Variants in UBAP2 observed in about 807,000 individuals in gnomAD.
UBAP2 encodes ubiquitin associated protein 2.
In UBAP2, 75 loss-of-function variants were observed where a neutral mutation model predicts 139.6. The ratio of observed to expected loss-of-function variants is 0.54; its 90% CI spans 0.45 to 0.65. The LOEUF (loss-of-function observed/expected upper bound fraction) is 0.65, where lower values mean the gene tolerates loss of function less well. UBAP2 is among the 30% of genes least tolerant of loss of function. The pLI, the probability that UBAP2 is intolerant of heterozygous loss-of-function variation, is 0.00. For missense variants in UBAP2, 1,368 were observed against 1,369.6 expected (o/e 1.00, Z 0.02); for synonymous variants, 526 against 526.2 (o/e 1.00, Z 0.01).
chr9:34,030,147 T>C (rs1490817283), intron 1 of UBAP2, among the ~76,000 whole-genome samples: 1 of 148,526 alleles, frequency 6.7e-6, no homozygotes, highest in Non-Finnish European at 1.5e-5. Context: ...TAAAAAAGTT[T>C]AAAAATCAGC....
At chr9:33,933,931 G>A (rs942330181) in intron 17 of UBAP2, 2 of 259,108 alleles carry the variant, frequency 7.7e-6, no homozygotes, top group South Asian at 7.2e-5. Context: ...AGGAACCTAA[G>A]CTGTAGATGC....
chr9:33,962,635 C>G lies in UBAP2; in HGVS notation c.745+1091G>C, dbSNP rs555491171. ...CTCCAGCCTGGGCAACAGAGCAAGA[C>G]TCTATCTCAAAAATAAATAAATAAA... On this transcript the variant is annotated intron_variant, in intron 9 of 28. Coordinates refer to ENST00000379238, the MANE Select transcript of UBAP2 (RefSeq NM_001370062.2). Among the ~76,000 whole-genome samples, 3 of 136,546 alleles carry G rather than the reference C, an allele frequency of 2.2e-5. No homozygotes were observed. In the East Asian group the frequency reaches 6.4e-4, roughly 29 times the overall value. The allele number at this position is 136,546 out of a possible 152,430, so 89.6% of individuals were successfully genotyped here.
intron 1 of UBAP2, among the ~76,000 whole-genome samples, chr9:34,042,923 C>G (rs1827224566): frequency 1.3e-5 from 2 of 151,982 alleles, no homozygotes; most frequent in Admixed American, 1.3e-4. Context: ...GAAAAATTAG[C>G]TGAGCATGGT....
chr9:33,995,075 G>C (rs553817579), intron 4 of UBAP2: 3 of 152,172 alleles, frequency 2.0e-5, no homozygotes, highest in Non-Finnish European at 4.4e-5. Flanking sequence ...CATAAACACA[G>C]GTCAGGTGTG....
intron 6 of UBAP2, among the ~76,000 whole-genome samples, chr9:33,977,867 G>A (rs1820291651): frequency 6.6e-6 from 1 of 151,396 alleles, no homozygotes; most frequent in African/African-American, 2.4e-5. Flanking sequence ...GTTTCACTGT[G>A]TTAGCCAGGA....
intron 1 of UBAP2, among the ~76,000 whole-genome samples, chr9:34,044,507 G>C (rs1827396005): frequency 2.0e-5 from 3 of 151,910 alleles, no homozygotes; most frequent in Admixed American, 2.0e-4. Flanking sequence ...AGAGGTTACA[G>C]TGAGCCAAGG....
chr9:34,008,318 CAAAAAA>C (rs35956096), intron 2 of UBAP2, among the ~76,000 whole-genome samples: 2 of 113,006 alleles, frequency 1.8e-5, no homozygotes, highest in African/African-American at 3.1e-5. Flanking sequence ...AACTCCGTCT[CAAAAAA>C]AAAAAAAAAA....
chr9:33,956,518 A>G (rs1327624628), intron 10 of UBAP2, among the ~76,000 whole-genome samples: 1 of 152,004 alleles, frequency 6.6e-6, no homozygotes, highest in Non-Finnish European at 1.5e-5. Context: ...TAGTAGAAAC[A>G]GGGTTTTGCC....
chr9:33,927,493 G>C (rs559897433), intron 20 of UBAP2, among the ~76,000 whole-genome samples: 1 of 152,198 alleles, frequency 6.6e-6, no homozygotes, highest in Non-Finnish European at 1.5e-5. Context: ...AGACAGCCTA[G>C]GTCTGCAGTC....
At chr9:34,032,261 T>C (rs1279186022) in intron 1 of UBAP2, among the ~76,000 whole-genome samples, 1 of 152,130 alleles carries the variant, frequency 6.6e-6, no homozygotes, top group Non-Finnish European at 1.5e-5. Flanking sequence ...CCATCTATCC[T>C]CTCTTGAAAG....
chr9:33,990,054 ACC>A (rs895737514), intron 4 of UBAP2, among the ~76,000 whole-genome samples: 19 of 14,006 alleles, frequency 1.4e-3, no homozygotes, highest in African/African-American at 3.0e-3. Context: ...AATCTAATCT[ACC>A]ATATATATAT....
At position 33,948,454 on chromosome 9, in the gene UBAP2, T is replaced by C; in HGVS notation, c.1190A>G (p.Asn397Ser). Reference protein sequence around the residue: ...QFTTTPSTQQNSTSHPTTTTS... With the variant: ...QFTTTPSTQQSSTSHPTTTTS... Reference sequence around the variant, plus strand: ...AGTAGTTGTAGGGTGACTTGTACTATTCTGCTGTGTACTTGGGGTGGTGGT... The same window carrying C: ...AGTAGTTGTAGGGTGACTTGTACTACTCTGCTGTGTACTTGGGGTGGTGGT... The change falls in exon 13 of 29, where the codon AAT becomes AGT. Residue 397 changes from asparagine (N) to serine (S), a missense_variant. Asn to Ser is a conservative substitution (Grantham distance 46). Transcript: ENST00000379238. The C allele has an allele frequency of 6.2e-7, 1 of 1,614,206 alleles. No homozygotes were observed. Among genetic ancestry groups the C allele is most frequent in the Non-Finnish European group, 8.5e-7 (1 of 1,180,038 alleles).
chr9:33,938,990 G>A (rs1208419889), intron 16 of UBAP2: 1 of 424,144 alleles, frequency 2.4e-6, no homozygotes, highest in African/African-American at 2.1e-5. Flanking sequence ...ATCCATCCAA[G>A]ACGGACAAGG....
At chr9:33,927,576 A>G (rs1332681610) in intron 20 of UBAP2, among the ~76,000 whole-genome samples, 2 of 152,176 alleles carry the variant, frequency 1.3e-5, no homozygotes, top group Non-Finnish European at 2.9e-5. Flanking sequence ...AAGAACAAAG[A>G]GGAAAGACTG....
Position 33,943,399 on chromosome 9 carries a change from A to C in UBAP2, c.1715+21T>G, listed in dbSNP as rs369976592. The stretch of plus-strand genomic sequence containing the variant: ...CTCTTAGGGTCTATTTTGCTTCATA[A>C]CAAAGGACTAAATTCAGTACCTTAA... On this transcript the variant is annotated intron_variant, in intron 15 of 28. Transcript: ENST00000379238. The C allele has an allele frequency of 5.3e-5, 85 of 1,612,378 alleles. No homozygotes were observed. In the African/African-American group the frequency reaches 1.1e-3, roughly 20 times the overall value.
chr9:33,969,094 T>C (rs1174267138), intron 8 of UBAP2, among the ~76,000 whole-genome samples: 1 of 152,268 alleles, frequency 6.6e-6, no homozygotes, highest in East Asian at 1.9e-4. Context: ...TTTGAGGTTT[T>C]TTCCCCCCAG....
At chr9:33,948,232 G>T in intron 13 of UBAP2, 142 bp downstream of exon 13, 2 of 647,662 alleles carry the variant, frequency 3.1e-6, no homozygotes, top group Non-Finnish European at 4.9e-6. Flanking sequence ...AAGGAAGACT[G>T]ATTTAACTGA....
At position 33,941,665 on chromosome 9, in the gene UBAP2, G is replaced by T. The variant is rs759335074; in HGVS notation, c.1913C>A (p.Ala638Asp). 1 of 1,613,986 alleles carries T rather than the reference G, an allele frequency of 6.2e-7. No homozygotes were observed. Among genetic ancestry groups the T allele is most frequent in the African/African-American group, 1.3e-5 (1 of 74,926 alleles). Residue 638 changes from alanine (A) to aspartate (D), a missense_variant, in exon 16 of 29, where the codon GCT becomes GAT. Ala to Asp is a moderately radical substitution (Grantham distance 126). Transcript: ENST00000379238. ...ACCACTTACCATGATGGTTCCTGGA[G>T]CTGACTCTGATGAACTCACAGGGCT... Reference protein sequence around the residue: ...YQSPVSSSESAPGTIMNGHGG... With the variant: ...YQSPVSSSESDPGTIMNGHGG...
intron 12 of UBAP2, among the ~76,000 whole-genome samples, chr9:33,950,874 T>G (rs1006315244): frequency 6.6e-6 from 1 of 152,220 alleles, no homozygotes; most frequent in Non-Finnish European, 1.5e-5. Context: ...TGGAGAGACT[T>G]TTAAAATGTA....
Sources: allele counts gnomAD v4.1 joint callset (sites outside exome capture counted in the v4.1 genomes callset), GRCh38; gene constraint gnomAD v4.1.1; transcripts MANE v1.5; gene names NCBI Gene and HGNC (gene_info 2026-07-23, HGNC 2026-07-21).